ZFPM2: variants seen among roughly 807,000 people sequenced by gnomAD.
ZFPM2 encodes the protein zinc finger protein, FOG family member 2.
Under a neutral mutation model 98.6 loss-of-function variants are expected in ZFPM2, and 20 were observed. That is an observed-to-expected ratio of 0.20 (90% CI 0.14 to 0.29). ZFPM2 has a LOEUF of 0.29. ZFPM2 is among the 10% of genes least tolerant of loss of function. The pLI is 1.00. For synonymous variants in ZFPM2, 518 were observed against 502.7 expected (o/e 1.03, Z -0.41); for missense variants, 1,310 against 1,388.6 (o/e 0.94, Z 0.90).
chr8:105,670,981 T>C (rs544715117), intron 5 of ZFPM2, among the ~76,000 whole-genome samples: 2 of 152,274 alleles, frequency 1.3e-5, no homozygotes, highest in South Asian at 4.1e-4. Flanking sequence ...GGCCAAAATT[T>C]GCTTGGCCAT....
intron 5 of ZFPM2, among the ~76,000 whole-genome samples, chr8:105,645,048 T>C (rs1817016707): frequency 6.6e-6 from 1 of 152,180 alleles, no homozygotes; most frequent in Admixed American, 6.5e-5. Context: ...AGAATGGGAG[T>C]TCTATAAGGA....
intron 6 of ZFPM2, among the ~76,000 whole-genome samples, chr8:105,795,351 T>TCA (rs34036735): frequency 0.017 from 2,442 of 145,514 alleles, 24 homozygotes; most frequent in Middle Eastern, 0.046. Context: ...TTCCTGAATG[T>TCA]CACACACACA....
intron 5 of ZFPM2, among the ~76,000 whole-genome samples, chr8:105,774,411 C>A (rs2131097076): frequency 6.6e-6 from 1 of 152,296 alleles, no homozygotes; most frequent in Non-Finnish European, 1.5e-5. Flanking sequence ...AGGTCTTGGT[C>A]ATTGTTCATC....
intron 3 of ZFPM2, among the ~76,000 whole-genome samples, chr8:105,528,486 C>T (rs1814223111): frequency 6.6e-6 from 1 of 152,084 alleles, no homozygotes; most frequent in Non-Finnish European, 1.5e-5. Flanking sequence ...TGTTGCCATA[C>T]ATATTTACCA....
At chr8:105,577,825 C>A (rs1294793110) in intron 4 of ZFPM2, among the ~76,000 whole-genome samples, 1 of 149,918 alleles carries the variant, frequency 6.7e-6, no homozygotes, top group African/African-American at 2.4e-5. Context: ...GTGAAAAGTG[C>A]TTCCATATTA....
At chr8:105,622,353 G>C (rs950916915) in intron 4 of ZFPM2, among the ~76,000 whole-genome samples, 2 of 152,026 alleles carry the variant, frequency 1.3e-5, no homozygotes, top group Non-Finnish European at 2.9e-5. Flanking sequence ...ATAGAGAATT[G>C]AGAAAGGAGT....
intron 1 of ZFPM2, among the ~76,000 whole-genome samples, chr8:105,355,572 C>T (rs114901708): frequency 7.2e-5 from 11 of 152,056 alleles, no homozygotes; most frequent in South Asian, 4.2e-4. Flanking sequence ...ATTTTATGAT[C>T]GGAGAGTACT....
intron 6 of ZFPM2, among the ~76,000 whole-genome samples, chr8:105,793,956 G>A (rs1233346841): frequency 6.6e-6 from 1 of 152,032 alleles, no homozygotes; most frequent in Non-Finnish European, 1.5e-5. Flanking sequence ...CTCTGTATTG[G>A]TTATTCTAGT....
rs773967904 is a variant in ZFPM2 at position 105,801,941 on chromosome 8, T to C, written c.1859T>C (p.Leu620Pro). 6.2e-7 allele frequency: 1 copy of C among 1,613,814 alleles called. No homozygotes were observed. Among genetic ancestry groups the C allele is most frequent in the Non-Finnish European group, 8.5e-7 (1 of 1,179,868 alleles). ...CATTCTGCTGATCCTGAGAATCCAC[T>C]TCTTCAAACATCTTGCATCAATTCT... ...AAHSADPENP[L>P]LQTSCINSST... Residue 620 changes from leucine to proline, a missense_variant, in exon 8 of 8, where the codon CTT becomes CCT. Transcript: ENST00000407775.
At chr8:105,449,357 A>G (rs1436141244) in intron 3 of ZFPM2, among the ~76,000 whole-genome samples, 2 of 152,028 alleles carry the variant, frequency 1.3e-5, no homozygotes, top group Non-Finnish European at 2.9e-5. Flanking sequence ...CAGGTATAAC[A>G]TTTTGAGCAG....
chr8:105,672,914 C>A (rs1817621652), intron 5 of ZFPM2, among the ~76,000 whole-genome samples: 1 of 152,160 alleles, frequency 6.6e-6, no homozygotes. Context: ...TGGAGTTAAT[C>A]TGCTCTATTG....
intron 5 of ZFPM2, among the ~76,000 whole-genome samples, chr8:105,666,489 C>G (rs1817490876): frequency 6.6e-6 from 1 of 152,114 alleles, no homozygotes; most frequent in African/African-American, 2.4e-5. Flanking sequence ...CTCAAATTCC[C>G]AAGCTCATAC....
In ZFPM2 at chr8:105,472,490, G is replaced by GTGTTT. The variant is rs545562880; in HGVS notation, c.301+28128_301+28132dup. ...GACCTCTGACTTCTGAACACTCCTT[G>GTGTTT]TGTTTTGTTTTGTTTTGTTTTGTGT... On this transcript the variant is annotated intron_variant, in intron 3 of 7. Transcript: ENST00000407775. 5.5e-4 allele frequency among the ~76,000 whole-genome samples: 83 copies of GTGTTT among 152,148 alleles called. No homozygotes were observed. In the South Asian group the frequency reaches 7.3e-3, roughly 13 times the overall value.
chr8:105,395,365 C>T (rs1374730907), intron 1 of ZFPM2, among the ~76,000 whole-genome samples: 4 of 152,050 alleles, frequency 2.6e-5, no homozygotes, highest in Non-Finnish European at 5.9e-5. Flanking sequence ...TTCTTATATT[C>T]TTGTAAATAA....
At chr8:105,558,208 G>C (rs1815043513) in intron 3 of ZFPM2, among the ~76,000 whole-genome samples, 1 of 151,954 alleles carries the variant, frequency 6.6e-6, no homozygotes, top group Non-Finnish European at 1.5e-5. Context: ...TGTTTCTTTT[G>C]CTATCCTTAA....
chr8:105,719,730 T>A (rs1191310073), intron 5 of ZFPM2, among the ~76,000 whole-genome samples: 2 of 151,966 alleles, frequency 1.3e-5, no homozygotes, highest in Non-Finnish European at 2.9e-5. Context: ...TTAGCAATGT[T>A]GCTATTAGTA....
chr8:105,395,646 T>G (rs1205249747), intron 1 of ZFPM2, among the ~76,000 whole-genome samples: 1 of 152,206 alleles, frequency 6.6e-6, no homozygotes, highest in East Asian at 1.9e-4. Flanking sequence ...TTTATATAAT[T>G]ATTAAGAAAG....
intron 2 of ZFPM2, among the ~76,000 whole-genome samples, chr8:105,441,462 GAAA>G (rs1563659962): frequency 3.3e-5 from 2 of 61,208 alleles, no homozygotes; most frequent in African/African-American, 2.8e-4. Flanking sequence ...GAGAAAGAAA[GAAA>G]GAAAGAAAGA....
intron 3 of ZFPM2, among the ~76,000 whole-genome samples, chr8:105,462,728 TTATTTTGTATACA>T: frequency 7.3e-6 from 1 of 136,294 alleles, no homozygotes; most frequent in African/African-American, 2.5e-5. Context: ...GTCATGATCC[TTATTTTGTATACA>T]GATTTTTTTT....
Sources: gnomAD v4.1 joint callset for allele counts (sites outside exome capture counted in the v4.1 genomes callset) on GRCh38, gnomAD v4.1.1 for gene constraint, MANE v1.5 for transcripts, NCBI Gene and HGNC (gene_info 2026-07-23, HGNC 2026-07-21) for gene names.